RNF115: variants seen among roughly 807,000 people sequenced by gnomAD.
RNF115 encodes E3 ubiquitin-protein ligase RNF115.
Under a neutral mutation model 39.2 loss-of-function variants are expected in RNF115, and 31 were observed. That is an observed-to-expected ratio of 0.79 (90% CI 0.59 to 1.07). RNF115 has a LOEUF of 1.07. Among genes scored for constraint, RNF115 ranks in the 50% least tolerant of loss-of-function variants. The probability of loss-of-function intolerance (pLI) is 0.00; values close to 1 mark genes in which losing one functional copy is unlikely to be tolerated. For synonymous variants in RNF115, 124 were observed against 131.0 expected (o/e 0.95, Z 0.37); for missense variants, 384 against 381.7 (o/e 1.01, Z -0.05).
intron 1 of RNF115, among the ~76,000 whole-genome samples, chr1:145,814,749 T>G (rs1297563333): frequency 6.6e-6 from 1 of 152,144 alleles, no homozygotes; most frequent in Non-Finnish European, 1.5e-5. Flanking sequence ...AATATATACA[T>G]TTATATTTAT....
chr1:145,788,661 T>C (rs1648498108), intron 2 of RNF115: 5 of 622,766 alleles, frequency 8.0e-6, no homozygotes, highest in South Asian at 7.6e-5. Context: ...CCACATACAA[T>C]CAGGAGCAGT....
intron 3 of RNF115, among the ~76,000 whole-genome samples, chr1:145,778,474 G>A (rs908547614): frequency 1.6e-4 from 24 of 152,074 alleles, no homozygotes; most frequent in Non-Finnish European, 3.4e-4. Context: ...GGTGAATTAC[G>A]TAGTATATGA....
chr1:145,761,302 A>G (rs587770615), intron 4 of RNF115, among the ~76,000 whole-genome samples: 3 of 152,330 alleles, frequency 2.0e-5, no homozygotes, highest in South Asian at 4.1e-4. Flanking sequence ...ACCACAGGCA[A>G]AATGTCTCCA....
In RNF115 at chr1:145,746,958, C is replaced by T. The variant is rs1657900056; in HGVS notation, c.823G>A (p.Glu275Lys). The change falls in exon 9 of 9, where the codon GAG (glutamate) becomes AAG (lysine). Residue 275 changes from glutamate to lysine, a missense_variant. Physicochemically the swap from Glu to Lys is moderately conservative, Grantham distance 56. Coordinates refer to ENST00000582693, the MANE Select transcript of RNF115 (RefSeq NM_014455.4). ...CTCTGGCTTTGCCGAGTAGAGTCCT[C>T]ACCATTTAAGCTCTTCCTACATACA... ...CPVCRKSLNG[E>K]DSTRQSQSTE... is the part of the protein sequence containing the mutation. 6.2e-7 allele frequency: 1 copy of T among 1,614,060 alleles called. No homozygotes were observed. The highest frequency in any genetic ancestry group is 8.5e-7 in the Non-Finnish European group (1 of 1,179,964).
chr1:145,811,355 C>CAAA (rs71829191), intron 1 of RNF115, among the ~76,000 whole-genome samples: 32 of 60,412 alleles, frequency 5.3e-4, no homozygotes, highest in African/African-American at 2.3e-3. Context: ...CCATCACTAC[C>CAAA]AAAAAAAAAA....
chr1:145,760,153 TG>T (rs1553713661), intron 4 of RNF115, among the ~76,000 whole-genome samples: 1 of 152,160 alleles, frequency 6.6e-6, no homozygotes, highest in African/African-American at 2.4e-5. Context: ...AGACCTCTTA[TG>T]GGGCCAGGCA....
At position 145,823,950 on chromosome 1, in the gene RNF115, C is replaced by A. The variant is rs1032785187; in HGVS notation, c.-77G>T. On this transcript the variant is annotated 5_prime_UTR_variant, in exon 1 of 9. Coordinates refer to ENST00000582693, the MANE Select transcript of RNF115 (RefSeq NM_014455.4). ...AGGCCGCTACCTCCCGAGCTGCAGTCGTCGCCGCCGCCGCCGCCTCGGTGC... is the reference window on the plus strand; with the variant it reads ...AGGCCGCTACCTCCCGAGCTGCAGTAGTCGCCGCCGCCGCCGCCTCGGTGC... 2.8e-6 allele frequency: 3 copies of A among 1,065,916 alleles called. No individual in the cohort carries two copies. The highest frequency in any genetic ancestry group is 4.0e-5 in the South Asian group (2 of 50,624). The allele number at this position is 1,065,916 out of a possible 1,614,324, so 66.0% of individuals were successfully genotyped here.
At chr1:145,794,727 G>C (rs114589151) in intron 1 of RNF115, among the ~76,000 whole-genome samples, 33 of 151,590 alleles carry the variant, frequency 2.2e-4, no homozygotes, top group African/African-American at 7.7e-4. Flanking sequence ...CTTAAAGATG[G>C]TGTGTCCTGA....
In RNF115 at chr1:145,754,048, A is replaced by C. The variant is rs114808703; in HGVS notation, c.429-999T>G. On this transcript the variant is annotated intron_variant, in intron 4 of 8. Transcript: ENST00000582693. ...TAAGTCCCTGGTTCCCACTTTACTT[A>C]TTAGGCCAATTAATATAACAATGGC... 3.7e-3 allele frequency among the ~76,000 whole-genome samples: 556 copies of C among 152,224 alleles called. 4 individuals carry two copies. Among genetic ancestry groups the C allele is most frequent in the African/African-American group, 0.013 (536 of 41,544 alleles).
chr1:145,750,294 TA>T (rs1658027941), intron 7 of RNF115, 112 bp downstream of exon 7: 1 of 849,422 alleles, frequency 1.2e-6, no homozygotes. Flanking sequence ...TTTTTTTTCT[TA>T]TTTTTTTGTC....
chr1:145,764,086 G>C (rs913083100), intron 4 of RNF115, among the ~76,000 whole-genome samples: 2 of 152,166 alleles, frequency 1.3e-5, no homozygotes, highest in South Asian at 2.1e-4. Flanking sequence ...ACTGGTTTTC[G>C]TATTTTTTTG....
At chr1:145,785,237 A>C (rs1377259807) in intron 2 of RNF115, among the ~76,000 whole-genome samples, 3 of 152,118 alleles carry the variant, frequency 2.0e-5, no homozygotes, top group Non-Finnish European at 4.4e-5. Flanking sequence ...GATTTGCCAC[A>C]TCCATTTCAA....
intron 1 of RNF115, among the ~76,000 whole-genome samples, chr1:145,812,346 A>AT (rs1233484555): frequency 6.7e-6 from 1 of 150,258 alleles, no homozygotes; most frequent in Non-Finnish European, 1.5e-5. Context: ...GTCTTAACAG[A>AT]TTTTCAAGGA....
intron 1 of RNF115, among the ~76,000 whole-genome samples, chr1:145,817,990 T>C (rs1271623074): frequency 1.4e-5 from 2 of 142,652 alleles, no homozygotes; most frequent in African/African-American, 5.4e-5. Flanking sequence ...ATTTTCTTTA[T>C]TAAGTCCACC....
rs587719424 is a variant in RNF115 at position 145,769,904 on chromosome 1, G to A, written c.428+1807C>T. Among the ~76,000 whole-genome samples, 142 of 152,208 alleles carry A rather than the reference G, an allele frequency of 9.3e-4. 2 individuals carry two copies. Among genetic ancestry groups the A allele is most frequent in the African/African-American group, 3.2e-3 (135 of 41,542 alleles). Reference sequence around the variant, plus strand: ...TGCTTGTAGTCCTACCTAGTTCATAGGCTGAAGTGGGAGGATTGCTTGAGC... The same window carrying A: ...TGCTTGTAGTCCTACCTAGTTCATAAGCTGAAGTGGGAGGATTGCTTGAGC... On this transcript the variant is annotated intron_variant, in intron 4 of 8. Coordinates refer to ENST00000582693, the MANE Select transcript of RNF115 (RefSeq NM_014455.4).
intron 1 of RNF115, among the ~76,000 whole-genome samples, chr1:145,791,120 C>A (rs1182876109): frequency 1.3e-5 from 2 of 150,970 alleles, no homozygotes; most frequent in South Asian, 2.1e-4. Context: ...TCAGCCTGGG[C>A]GACAGATCGA....
chr1:145,771,969 C>T, intron 3 of RNF115, 50 bp from the exon 4 acceptor site: 4 of 1,453,122 alleles, frequency 2.8e-6, no homozygotes, highest in Non-Finnish European at 3.8e-6. Context: ...AATCAATAAA[C>T]ACCTGGATTG....
At chr1:145,791,746 AT>A (rs1433578511) in intron 1 of RNF115, among the ~76,000 whole-genome samples, 2 of 152,114 alleles carry the variant, frequency 1.3e-5, no homozygotes, top group African/African-American at 2.4e-5. Flanking sequence ...CTTTTAAGTA[AT>A]ATCAAGCTTT....
At chr1:145,805,746 C>G (rs1182768396) in intron 1 of RNF115, among the ~76,000 whole-genome samples, 1 of 152,068 alleles carries the variant, frequency 6.6e-6, no homozygotes, top group African/African-American at 2.4e-5. Flanking sequence ...CCCCAGAGCT[C>G]AAATCACTAA....
Sources: allele counts gnomAD v4.1 joint callset (sites outside exome capture counted in the v4.1 genomes callset), GRCh38; gene constraint gnomAD v4.1.1; transcripts MANE v1.5; gene names NCBI Gene and HGNC (gene_info 2026-07-23, HGNC 2026-07-21).